Variants in ADAMTS17 observed in about 807,000 individuals in gnomAD.
The protein encoded by ADAMTS17 is A disintegrin and metalloproteinase with thrombospondin motifs 17.
ADAMTS17 carries 113 observed loss-of-function variants against 141.5 expected under a neutral mutation model. The observed-to-expected ratio is 0.80, with a 90% CI of 0.69 to 0.93. ADAMTS17 has a LOEUF of 0.93. ADAMTS17 is among the 40% of genes least tolerant of loss of function. ADAMTS17 has a pLI of 0.00. For missense variants in ADAMTS17, 1,659 were observed against 1,517.9 expected (o/e 1.09, Z -1.54); for synonymous variants, 768 against 630.6 (o/e 1.22, Z -3.27).
At chr15:100,287,105 T>C (rs1430646167) in intron 3 of ADAMTS17, among the ~76,000 whole-genome samples, 3 of 152,158 alleles carry the variant, frequency 2.0e-5, no homozygotes, top group East Asian at 1.9e-4. Context: ...GGAGAATCAC[T>C]TGAACCCAGG....
chr15:99,982,864 G>A (rs1327718653), intron 20 of ADAMTS17, among the ~76,000 whole-genome samples: 1 of 152,182 alleles, frequency 6.6e-6, no homozygotes, highest in African/African-American at 2.4e-5. Flanking sequence ...CTGGCTGCCC[G>A]GTGGAGAGGC....
chr15:100,207,354 A>G (rs1449284564), intron 7 of ADAMTS17, among the ~76,000 whole-genome samples: 1 of 152,152 alleles, frequency 6.6e-6, no homozygotes, highest in Non-Finnish European at 1.5e-5. Context: ...CCCATAAGGA[A>G]TAACTGTGTG....
At chr15:100,306,452 G>A (rs762221269) in intron 3 of ADAMTS17, 6 of 455,828 alleles carry the variant, frequency 1.3e-5, no homozygotes, top group East Asian at 6.9e-5. Context: ...ACAGGTAGAC[G>A]CTCCACGTTG....
chr15:99,978,954 T>C (rs2060424488), intron 20 of ADAMTS17: 1 of 152,274 alleles, frequency 6.6e-6, no homozygotes, highest in Non-Finnish European at 1.5e-5. Context: ...CTCTCTTTTC[T>C]TCCTGTTAAG....
rs2035444280 is a variant in ADAMTS17 at position 100,091,131 on chromosome 15, A to AC, written c.2137+5224dup. ...TCACAGTCCTCCAACCCCTGCTCTGACCCAGAGCTCAAAGTCCACCTGAGG... is the reference window on the plus strand; with the variant it reads ...TCACAGTCCTCCAACCCCTGCTCTGACCCCAGAGCTCAAAGTCCACCTGAGG... On this transcript the variant is annotated intron_variant, in intron 15 of 21. Coordinates refer to ENST00000268070, the MANE Select transcript of ADAMTS17 (RefSeq NM_139057.4). Among the ~76,000 whole-genome samples, 6 of 151,782 alleles carry AC rather than the reference A, an allele frequency of 4.0e-5. No homozygotes were observed. In the South Asian group the frequency reaches 1.3e-3, roughly 32 times the overall value.
At chr15:100,193,267 A>G (rs1477845859) in intron 8 of ADAMTS17, among the ~76,000 whole-genome samples, 1 of 152,112 alleles carries the variant, frequency 6.6e-6, no homozygotes, top group Non-Finnish European at 1.5e-5. Context: ...GTCTCCCGGG[A>G]GCTGACGGAG....
chr15:100,004,368 C>A (rs1028986717), intron 18 of ADAMTS17, among the ~76,000 whole-genome samples: 1 of 152,094 alleles, frequency 6.6e-6, no homozygotes, highest in Non-Finnish European at 1.5e-5. Context: ...TTCACCCAAC[C>A]CCCCCTGGCT....
chr15:100,223,481 C>A (rs1596311547), intron 7 of ADAMTS17, among the ~76,000 whole-genome samples: 1 of 152,008 alleles, frequency 6.6e-6, no homozygotes, highest in African/African-American at 2.4e-5. Context: ...TGGCCCTGAG[C>A]TCATCTCACG....
intron 15 of ADAMTS17, among the ~76,000 whole-genome samples, chr15:100,055,791 T>C (rs2032515643): frequency 6.6e-6 from 1 of 152,230 alleles, no homozygotes; most frequent in South Asian, 2.1e-4. Context: ...GTGCATATTC[T>C]CTAGGTTGGC....
rs118076245 is a variant in ADAMTS17 at position 100,326,621 on chromosome 15, A to G, written c.616+4268T>C. Among the ~76,000 whole-genome samples, 358 of 152,340 alleles carry G rather than the reference A, an allele frequency of 2.4e-3. 4 individuals carry two copies. The East Asian group carries it at 0.04, about 17-fold the overall frequency. ...TTTTACCAAGTGTGTGATGGCTGGC[A>G]AAAGTCAGGACAGGGATGGAAACAG... On this transcript the variant is annotated intron_variant, in intron 3 of 21. Coordinates refer to ENST00000268070, the MANE Select transcript of ADAMTS17 (RefSeq NM_139057.4).
At position 99,976,189 on chromosome 15, in the gene ADAMTS17, G is replaced by A. The variant is rs2060323910; in HGVS notation, c.2983C>T (p.Arg995Trp). ...SSTCGKGLQS[R>W]VVQCMHKVTG... ...ACCTTGTGCATGCACTGCACCACCC[G>A]GGACTGCAGGCCCTTCCCGCAGGTC... is the stretch of plus-strand genomic sequence containing the variant. The change falls in exon 21 of 22, where the codon CGG becomes TGG. Residue 995 changes from arginine to tryptophan, a missense_variant. Coordinates refer to ENST00000268070, the MANE Select transcript of ADAMTS17 (RefSeq NM_139057.4). The A allele has an allele frequency of 4.5e-6, 7 of 1,548,928 alleles. No individual in the cohort carries two copies. Among genetic ancestry groups the A allele is most frequent in the Admixed American group, 2.0e-5 (1 of 50,990 alleles).
chr15:99,982,700 G>A (rs912913172), intron 20 of ADAMTS17, among the ~76,000 whole-genome samples: 3 of 152,294 alleles, frequency 2.0e-5, no homozygotes, highest in Non-Finnish European at 4.4e-5. Context: ...TTTTGTCAAG[G>A]GGCTCATCAC....
In ADAMTS17 at chr15:100,341,034, A is replaced by T. The variant is rs764223723; in HGVS notation, c.450+5T>A. ...GGGCCGACCCGGAGGTGGCGCGGGC[A>T]GTACCAGGCCGCCGGCGGCGCCGCA... On this transcript the variant is annotated splice_donor_5th_base_variant and intron_variant, in intron 2 of 21. Coordinates refer to ENST00000268070, the MANE Select transcript of ADAMTS17 (RefSeq NM_139057.4). 39 of 1,478,896 alleles carry T rather than the reference A, an allele frequency of 2.6e-5. No homozygotes were observed. In the South Asian group the frequency reaches 4.4e-4, roughly 17 times the overall value. The allele number at this position is 1,478,896 out of a possible 1,614,324, so 91.6% of individuals were successfully genotyped here.
chr15:100,194,092 A>G (rs1414707184), intron 8 of ADAMTS17, among the ~76,000 whole-genome samples: 2 of 152,208 alleles, frequency 1.3e-5, no homozygotes, highest in Non-Finnish European at 2.9e-5. Context: ...GTATAAAGAT[A>G]TATCCTCTTC....
intron 3 of ADAMTS17, among the ~76,000 whole-genome samples, chr15:100,303,204 A>G (rs1190866838): frequency 6.8e-6 from 1 of 147,226 alleles, no homozygotes; most frequent in Non-Finnish European, 1.5e-5. Context: ...TATAAAATAT[A>G]TAATATATAT....
At position 100,319,578 on chromosome 15, in the gene ADAMTS17, G is replaced by GCA. The variant is rs553538877; in HGVS notation, c.616+11309_616+11310dup. Among the ~76,000 whole-genome samples, 12 of 152,252 alleles carry GCA rather than the reference G, an allele frequency of 7.9e-5. No individual in the cohort carries two copies. The South Asian group carries it at 2.5e-3, about 32-fold the overall frequency. On this transcript the variant is annotated intron_variant, in intron 3 of 21. Coordinates refer to ENST00000268070, the MANE Select transcript of ADAMTS17 (RefSeq NM_139057.4). ...ACAAAAAAATTAGCTGGGCATGGTGGCACGCACCTGTAGTCCCGGCTACTC... is the reference window on the plus strand; with the variant it reads ...ACAAAAAAATTAGCTGGGCATGGTGGCACACGCACCTGTAGTCCCGGCTACTC...
intron 18 of ADAMTS17, among the ~76,000 whole-genome samples, chr15:100,021,270 CCTAGT>C (rs2061402588): frequency 6.6e-6 from 1 of 152,152 alleles, no homozygotes; most frequent in African/African-American, 2.4e-5. Context: ...ATCACTGAAG[CCTAGT>C]GGCCACTTCC....
At chr15:100,077,159 T>G (rs1328897106) in intron 15 of ADAMTS17, among the ~76,000 whole-genome samples, 1 of 151,184 alleles carries the variant, frequency 6.6e-6, no homozygotes, top group African/African-American at 2.4e-5. Flanking sequence ...TATGGAAAAA[T>G]CAGACTGGGC....
intron 15 of ADAMTS17, among the ~76,000 whole-genome samples, chr15:100,084,796 G>A (rs2034991762): frequency 6.6e-6 from 1 of 152,156 alleles, no homozygotes; most frequent in Non-Finnish European, 1.5e-5. Flanking sequence ...ACTGTCAGAA[G>A]GAAAACTAGC....
Sources: allele counts gnomAD v4.1 joint callset (sites outside exome capture counted in the v4.1 genomes callset), GRCh38; gene constraint gnomAD v4.1.1; transcripts MANE v1.5; gene names NCBI Gene and HGNC (gene_info 2026-07-23, HGNC 2026-07-21).